CBFA2T2: variants seen among roughly 807,000 people sequenced by gnomAD.
CBFA2T2 encodes the protein CBFA2/RUNX1 partner transcriptional co-repressor 2.
In CBFA2T2, 11 loss-of-function variants were observed where a neutral mutation model predicts 62.2. That is an observed-to-expected ratio of 0.18 (90% confidence interval 0.11 to 0.29). CBFA2T2 has a LOEUF of 0.29. Among genes scored for constraint, CBFA2T2 ranks in the 10% least tolerant of loss-of-function variants. The pLI, the probability that CBFA2T2 is intolerant of heterozygous loss-of-function variation, is 1.00. For missense variants in CBFA2T2, 592 were observed against 774.1 expected, an observed-to-expected ratio of 0.76 and a Z score of 2.79; for synonymous variants, 295 against 287.5, an observed-to-expected ratio of 1.03 and a Z score of -0.27.
In CBFA2T2 at chr20:33,537,917, C is replaced by T. The variant is rs147142284; in HGVS notation, c.34+47616C>T. Among the ~76,000 whole-genome samples the T allele has an allele frequency of 8.1e-4, 123 of 151,634 alleles. 1 individual carries two copies. The highest frequency in any genetic ancestry group is 2.8e-3 in the African/African-American group (116 of 41,368). On this transcript the variant is annotated intron_variant, in intron 1 of 10. Transcript: ENST00000342704. ...AAGTGAGGCAGTTTTAGTCCTCTAG[C>T]TATATTCGTTTTCAAAGTTGTTTTA... is the stretch of plus-strand genomic sequence containing the variant.
intron 1 of CBFA2T2, among the ~76,000 whole-genome samples, chr20:33,568,941 C>T (rs1297969957): frequency 6.6e-6 from 1 of 152,134 alleles, no homozygotes; most frequent in Admixed American, 6.6e-5. Context: ...CTAATTACAC[C>T]CTTTTCCCCA....
intron 9 of CBFA2T2, 91 bp downstream of exon 9, chr20:33,636,799 C>T (rs1196600345): frequency 5.3e-6 from 5 of 946,488 alleles, no homozygotes; most frequent in Non-Finnish European, 6.8e-6. Context: ...TAACTGGGTC[C>T]TTTGGTTGTA....
At chr20:33,602,278 G>A (rs1034413509) in intron 1 of CBFA2T2, among the ~76,000 whole-genome samples, 5 of 151,870 alleles carry the variant, frequency 3.3e-5, no homozygotes, top group African/African-American at 1.2e-4. Flanking sequence ...GAGTGATGGA[G>A]CATTCTTCAC....
At chr20:33,544,038 T>C (rs1300567810) in intron 1 of CBFA2T2, among the ~76,000 whole-genome samples, 2 of 152,146 alleles carry the variant, frequency 1.3e-5, no homozygotes. Flanking sequence ...TTTTCCCTGT[T>C]TCCATTCTTG....
intron 1 of CBFA2T2, among the ~76,000 whole-genome samples, chr20:33,491,183 A>T (rs2011144101): frequency 6.6e-6 from 1 of 152,182 alleles, no homozygotes; most frequent in African/African-American, 2.4e-5. Flanking sequence ...TAATTATAAT[A>T]GCCAACATTT....
intron 1 of CBFA2T2, among the ~76,000 whole-genome samples, chr20:33,510,500 C>T (rs1278260633): frequency 6.6e-6 from 1 of 152,102 alleles, no homozygotes; most frequent in Non-Finnish European, 1.5e-5. Flanking sequence ...CGTGAGCCAC[C>T]ACGCCCGGCC....
chr20:33,569,730 A>G (rs969631355), intron 1 of CBFA2T2, among the ~76,000 whole-genome samples: 3 of 152,246 alleles, frequency 2.0e-5, no homozygotes, highest in Non-Finnish European at 2.9e-5. Flanking sequence ...TCTTGAGTTT[A>G]CAGCATTTTA....
At chr20:33,491,017 G>A (rs909532380) in intron 1 of CBFA2T2, among the ~76,000 whole-genome samples, 4 of 152,124 alleles carry the variant, frequency 2.6e-5, no homozygotes, top group African/African-American at 9.7e-5. Context: ...TTGTTTTGTT[G>A]TCTGTTAGTC....
chr20:33,601,109 A>G (rs1366776742), intron 1 of CBFA2T2, among the ~76,000 whole-genome samples: 1 of 151,706 alleles, frequency 6.6e-6, no homozygotes, highest in African/African-American at 2.4e-5. Context: ...TCAGAACTTC[A>G]TGGCCTAAAA....
At chr20:33,597,214 G>T (rs2014931075) in intron 1 of CBFA2T2, among the ~76,000 whole-genome samples, 1 of 152,128 alleles carries the variant, frequency 6.6e-6, no homozygotes, top group East Asian at 1.9e-4. Context: ...TTAGAGATAT[G>T]AGCCACTGTA....
chr20:33,540,107 C>T (rs2012372092), intron 1 of CBFA2T2, among the ~76,000 whole-genome samples: 1 of 152,008 alleles, frequency 6.6e-6, no homozygotes, highest in African/African-American at 2.4e-5. Flanking sequence ...TTAATTTTGG[C>T]CATCAAACAA....
At chr20:33,579,104 GGTTTTTTTTTGTTT>G (rs2013980842) in intron 1 of CBFA2T2, among the ~76,000 whole-genome samples, 2 of 147,916 alleles carry the variant, frequency 1.4e-5, no homozygotes, top group Admixed American at 1.4e-4. Flanking sequence ...TTTTTTTGGG[GGTTTTTTTTTGTTT>G]TTTTTTTTTT....
At chr20:33,507,463 A>G (rs914729825) in intron 1 of CBFA2T2, among the ~76,000 whole-genome samples, 2 of 152,226 alleles carry the variant, frequency 1.3e-5, no homozygotes, top group Non-Finnish European at 2.9e-5. Flanking sequence ...TTTCCTTACA[A>G]CATAAAAAAA....
rs184806501 is a variant in CBFA2T2 at position 33,535,689 on chromosome 20, A to G, written c.34+45388A>G. Among the ~76,000 whole-genome samples the G allele has an allele frequency of 7.8e-5, 11 of 141,670 alleles. No individual in the cohort carries two copies. In the Admixed American group the frequency reaches 7.9e-4, roughly 10 times the overall value. 92.9% of individuals were successfully genotyped at this position (141,670 alleles called of 152,430 possible). ...TATTTTATTTATTTATTTATTTTTA[A>G]TTGATCATTCTTGGGTGTTTCTCGC... On this transcript the variant is annotated intron_variant, in intron 1 of 10. Transcript: ENST00000342704.
At chr20:33,524,344 T>C (rs954203037) in intron 1 of CBFA2T2, among the ~76,000 whole-genome samples, 2 of 152,162 alleles carry the variant, frequency 1.3e-5, no homozygotes, top group Non-Finnish European at 2.9e-5. Flanking sequence ...TTTCATATTA[T>C]TATGATTTTT....
At chr20:33,566,371 C>T (rs1278165205) in intron 1 of CBFA2T2, among the ~76,000 whole-genome samples, 4 of 151,964 alleles carry the variant, frequency 2.6e-5, no homozygotes, top group Admixed American at 2.0e-4. Flanking sequence ...TTTGGGAGAC[C>T]GAAGTGAGCG....
chr20:33,644,245 T>A (rs2016967642), intron 10 of CBFA2T2, 102 bp from the exon 11 acceptor site: 3 of 1,328,220 alleles, frequency 2.3e-6, no homozygotes, highest in Non-Finnish European at 3.1e-6. Context: ...GTTCCAAAGC[T>A]GGGGTTCTCT....
chr20:33,543,426 A>G (rs1348973746), intron 1 of CBFA2T2, among the ~76,000 whole-genome samples: 2 of 152,238 alleles, frequency 1.3e-5, no homozygotes, highest in African/African-American at 2.4e-5. Flanking sequence ...AACACGTAAA[A>G]TAGTTAACAT....
chr20:33,561,483 A>G (rs1405052229), intron 1 of CBFA2T2, among the ~76,000 whole-genome samples: 1 of 152,228 alleles, frequency 6.6e-6, no homozygotes, highest in African/African-American at 2.4e-5. Flanking sequence ...AATTTGCCCC[A>G]GTGGTACCAT....
Sources: gnomAD v4.1 joint callset for allele counts (sites outside exome capture counted in the v4.1 genomes callset) on GRCh38, gnomAD v4.1.1 for gene constraint, MANE v1.5 for transcripts, NCBI Gene and HGNC (gene_info 2026-07-23, HGNC 2026-07-21) for gene names.